Variants in GPC6 observed in about 807,000 individuals in gnomAD.
GPC6 encodes the protein glypican 6.
In GPC6, 14 loss-of-function variants were observed where a neutral mutation model predicts 55.2. The observed-to-expected ratio is 0.25, with a 90% CI of 0.17 to 0.40. The LOEUF is 0.40. Ranked by LOEUF, GPC6 falls within the 10% of genes least tolerant of loss-of-function variation. The pLI is 1.00. For missense variants in GPC6, 641 were observed against 708.5 expected (o/e 0.90, Z 1.08); for synonymous variants, 278 against 259.6 (o/e 1.07, Z -0.68).
intron 3 of GPC6, among the ~76,000 whole-genome samples, chr13:93,837,836 G>C (rs1415227325): frequency 6.6e-6 from 1 of 152,110 alleles, no homozygotes; most frequent in Non-Finnish European, 1.5e-5. Context: ...AGGTGATGAG[G>C]GCACCTAGCA....
At chr13:94,225,103 G>T (rs547771210) in intron 4 of GPC6, among the ~76,000 whole-genome samples, 92 of 152,100 alleles carry the variant, frequency 6.0e-4, no homozygotes, top group Admixed American at 2.6e-4. Flanking sequence ...AATTGTGTAA[G>T]CTGAACCAGT....
chr13:93,489,043 C>T (rs1326772551), intron 1 of GPC6, among the ~76,000 whole-genome samples: 1 of 151,418 alleles, frequency 6.6e-6, no homozygotes, highest in Non-Finnish European at 1.5e-5. Context: ...GAAGTCCTTG[C>T]CCATGCCTAT....
At chr13:93,568,113 AGT>A (rs1030597347) in intron 2 of GPC6, among the ~76,000 whole-genome samples, 2 of 152,142 alleles carry the variant, frequency 1.3e-5, no homozygotes, top group Admixed American at 6.5e-5. Context: ...CATCCATTTG[AGT>A]GTGTCTTTCA....
intron 3 of GPC6, among the ~76,000 whole-genome samples, chr13:93,882,271 A>G (rs1051787840): frequency 2.0e-5 from 3 of 151,736 alleles, no homozygotes; most frequent in Non-Finnish European, 2.9e-5. Context: ...CTCAGCCTCC[A>G]GAGTTGCTGG....
intron 6 of GPC6, among the ~76,000 whole-genome samples, chr13:94,381,768 A>G (rs1880170348): frequency 2.0e-5 from 3 of 152,188 alleles, no homozygotes. Context: ...AAGACACTTA[A>G]GATGCTGGCA....
chr13:93,860,108 A>C (rs1422611994), intron 3 of GPC6, among the ~76,000 whole-genome samples: 1 of 151,658 alleles, frequency 6.6e-6, no homozygotes, highest in Admixed American at 6.6e-5. Context: ...TTCTTTAGAC[A>C]CTAGTACCAG....
At chr13:94,326,840 C>T (rs1405101576) in intron 6 of GPC6, among the ~76,000 whole-genome samples, 1 of 152,220 alleles carries the variant, frequency 6.6e-6, no homozygotes, top group Non-Finnish European at 1.5e-5. Context: ...AAGAGTCTTT[C>T]CAGCTTGCAA....
At chr13:93,709,876 G>T (rs1371330820) in intron 2 of GPC6, among the ~76,000 whole-genome samples, 1 of 151,744 alleles carries the variant, frequency 6.6e-6, no homozygotes, top group Non-Finnish European at 1.5e-5. Context: ...CCGTCAGGAA[G>T]TACTAGCATA....
At chr13:94,203,727 C>T (rs561020085) in intron 4 of GPC6, among the ~76,000 whole-genome samples, 19 of 152,190 alleles carry the variant, frequency 1.2e-4, no homozygotes, top group Admixed American at 4.6e-4. Flanking sequence ...TTCTTTACTT[C>T]GAAAATTCTC....
At chr13:94,184,330 A>T (rs932247457) in intron 4 of GPC6, among the ~76,000 whole-genome samples, 4 of 151,954 alleles carry the variant, frequency 2.6e-5, no homozygotes, top group African/African-American at 9.7e-5. Flanking sequence ...AGAAAAAAAA[A>T]ACCTACTAGA....
intron 4 of GPC6, among the ~76,000 whole-genome samples, chr13:94,147,140 T>A (rs78816657): frequency 3.9e-5 from 6 of 152,114 alleles, no homozygotes; most frequent in Non-Finnish European, 5.9e-5. Context: ...AACTAGAAAA[T>A]TGAAGTGATT....
At chr13:93,949,090 G>T (rs1287291034) in intron 3 of GPC6, among the ~76,000 whole-genome samples, 2 of 151,964 alleles carry the variant, frequency 1.3e-5, no homozygotes, top group Non-Finnish European at 2.9e-5. Context: ...TGCGTTGTTG[G>T]GAACCTTCTA....
At chr13:94,205,435 A>T (rs1251776601) in intron 4 of GPC6, among the ~76,000 whole-genome samples, 1 of 152,228 alleles carries the variant, frequency 6.6e-6, no homozygotes, top group Non-Finnish European at 1.5e-5. Context: ...TATCTTGTTT[A>T]AGAAAATAAG....
intron 1 of GPC6, among the ~76,000 whole-genome samples, chr13:93,502,112 A>G (rs1218840957): frequency 1.3e-5 from 2 of 152,144 alleles, no homozygotes; most frequent in Non-Finnish European, 2.9e-5. Flanking sequence ...TTCATTAAGT[A>G]GCAATATGTT....
Position 93,227,377 on chromosome 13 carries a change from T to C in GPC6, c.-80T>C. On this transcript the variant is annotated 5_prime_UTR_variant, in exon 1 of 9. Transcript: ENST00000377047. The surrounding 1 kb of genome is among the most constrained non-coding windows in gnomAD (Gnocchi z 4.3). ...GCGGCGAGGAGCGCGCCGCTGCCTC[T>C]GGCGGGCTTTCGGCTTGAGGGGCAA... 5.5e-6 allele frequency: 8 copies of C among 1,457,106 alleles called. No individual in the cohort carries two copies. Among genetic ancestry groups the C allele is most frequent in the Non-Finnish European group, 7.6e-6 (8 of 1,054,202 alleles). The allele number at this position is 1,457,106 out of a possible 1,614,324, so 90.3% of individuals were successfully genotyped here. A position where few individuals can be genotyped will look rare whatever the true frequency, so the allele number is the denominator to read the frequency against.
intron 1 of GPC6, among the ~76,000 whole-genome samples, chr13:93,293,241 G>A (rs940684484): frequency 9.9e-5 from 15 of 151,310 alleles, no homozygotes; most frequent in African/African-American, 3.6e-4. Flanking sequence ...TCGGTATTAG[G>A]GGGAAAAAAA....
chr13:94,233,943 A>G (rs1443865631), intron 4 of GPC6, among the ~76,000 whole-genome samples: 14 of 152,106 alleles, frequency 9.2e-5, no homozygotes, highest in African/African-American at 2.9e-4. Context: ...CCCAGGGCTA[A>G]GGGGGGACTA....
At chr13:94,188,438 G>C (rs1889273505) in intron 4 of GPC6, among the ~76,000 whole-genome samples, 1 of 152,130 alleles carries the variant, frequency 6.6e-6, no homozygotes, top group Non-Finnish European at 1.5e-5. Flanking sequence ...TCATAACAAA[G>C]GATATCTCAA....
At chr13:93,497,043 T>C (rs1333407463) in intron 1 of GPC6, among the ~76,000 whole-genome samples, 9 of 152,224 alleles carry the variant, frequency 5.9e-5, no homozygotes, top group Non-Finnish European at 1.3e-4. Flanking sequence ...AAGGTTGCAA[T>C]GGCTTGTGAG....
Sources: allele counts gnomAD v4.1 joint callset (sites outside exome capture counted in the v4.1 genomes callset), GRCh38; gene constraint gnomAD v4.1.1; non-coding constraint Gnocchi (gnomAD v3.1); transcripts MANE v1.5; gene names NCBI Gene and HGNC (gene_info 2026-07-23, HGNC 2026-07-21).